The following FSTL5 variants were observed in gnomAD, a reference collection of about 807,000 sequenced individuals.
FSTL5 encodes the protein follistatin like 5.
A neutral mutation model predicts 89.1 loss-of-function variants in FSTL5; 62 were observed. The ratio of observed to expected loss-of-function variants is 0.70; its 90% CI spans 0.57 to 0.86. The LOEUF (loss-of-function observed/expected upper bound fraction) is 0.86, where lower values mean the gene tolerates loss of function less well. FSTL5 is among the 40% of genes least tolerant of loss of function. The probability of loss-of-function intolerance (pLI) is 0.00; values close to 1 mark genes in which losing one functional copy is unlikely to be tolerated. For missense variants in FSTL5, 1,057 were observed against 1,001.6 expected, an observed-to-expected ratio of 1.06 and a Z score of -0.75; for synonymous variants, 383 against 346.2, an observed-to-expected ratio of 1.11 and a Z score of -1.18.
At chr4:161,836,330 G>A in intron 4 of FSTL5, among the ~76,000 whole-genome samples, 1 of 150,234 alleles carries the variant, frequency 6.7e-6, no homozygotes, top group Admixed American at 6.7e-5. Context: ...GGAAGGGACA[G>A]TTTTAGGAGA....
chr4:161,471,766 G>A (rs1733950497), intron 13 of FSTL5, among the ~76,000 whole-genome samples: 1 of 151,800 alleles, frequency 6.6e-6, no homozygotes, highest in Admixed American at 6.6e-5. Context: ...TTTTAATTTA[G>A]TCTTGCTGCA....
intron 3 of FSTL5, among the ~76,000 whole-genome samples, chr4:161,993,458 A>T (rs2314587): frequency 0.18 from 23,851 of 131,552 alleles, 2,012 homozygotes; most frequent in Non-Finnish European, 0.22. Flanking sequence ...TTTGTATGAT[A>T]TTTAACTATA....
chr4:161,685,385 G>C (rs1040947528), intron 6 of FSTL5, among the ~76,000 whole-genome samples: 9 of 152,088 alleles, frequency 5.9e-5, no homozygotes, highest in African/African-American at 2.2e-4. Flanking sequence ...ATGAGCATGG[G>C]ATGTGTTTCC....
chr4:161,930,283 C>T (rs1404348014), intron 3 of FSTL5, among the ~76,000 whole-genome samples: 1 of 151,814 alleles, frequency 6.6e-6, no homozygotes, highest in Non-Finnish European at 1.5e-5. Context: ...AAATTCTTAG[C>T]TTTGGCATAA....
intron 4 of FSTL5, among the ~76,000 whole-genome samples, chr4:161,892,839 G>A (rs184073630): frequency 7.9e-5 from 12 of 152,110 alleles, no homozygotes; most frequent in Admixed American, 1.3e-4. Flanking sequence ...TATTTTACAC[G>A]TTAGTCAATG....
chr4:161,711,789 G>C (rs1240371521), intron 6 of FSTL5, among the ~76,000 whole-genome samples: 2 of 151,940 alleles, frequency 1.3e-5, no homozygotes, highest in African/African-American at 4.8e-5. Flanking sequence ...TGAAAAAGTG[G>C]GATTCATCTC....
intron 3 of FSTL5, among the ~76,000 whole-genome samples, chr4:161,944,656 C>T (rs985752750): frequency 6.6e-6 from 1 of 151,620 alleles, no homozygotes; most frequent in African/African-American, 2.4e-5. Context: ...ATATTTTAAA[C>T]TCAATATCTT....
chr4:161,677,021 T>C lies in FSTL5; in HGVS notation c.728-20527A>G, dbSNP rs115110117. Among the ~76,000 whole-genome samples, 912 of 152,182 alleles carry C rather than the reference T, an allele frequency of 6.0e-3. 7 individuals carry two copies. The highest frequency in any genetic ancestry group is 0.02 in the African/African-American group (845 of 41,578). On this transcript the variant is annotated intron_variant, in intron 6 of 15. Coordinates refer to ENST00000306100, the MANE Select transcript of FSTL5 (RefSeq NM_020116.5). ...ACAATATATTTTTACTGAATGAATC[T>C]ATATGTACAATTCCCCTTTCTTTCT... is the stretch of plus-strand genomic sequence containing the variant.
At chr4:161,417,663 T>C (rs865907594) in intron 15 of FSTL5, among the ~76,000 whole-genome samples, 2 of 152,228 alleles carry the variant, frequency 1.3e-5, no homozygotes, top group Non-Finnish European at 2.9e-5. Flanking sequence ...CTCAGGGATC[T>C]AGTTTCCTCA....
chr4:161,841,230 G>T (rs939286379), intron 4 of FSTL5, among the ~76,000 whole-genome samples: 2 of 152,126 alleles, frequency 1.3e-5, no homozygotes, highest in Admixed American at 1.3e-4. Flanking sequence ...GCCAGAATCT[G>T]ATTGATTCAC....
chr4:162,034,345 T>G (rs1232529893), intron 2 of FSTL5, among the ~76,000 whole-genome samples: 1 of 152,144 alleles, frequency 6.6e-6, no homozygotes, highest in Non-Finnish European at 1.5e-5. Flanking sequence ...AAGGAATAAG[T>G]TTAGGCACAA....
chr4:161,667,174 C>T (rs1350834033), intron 6 of FSTL5, among the ~76,000 whole-genome samples: 2 of 151,964 alleles, frequency 1.3e-5, no homozygotes, highest in Non-Finnish European at 2.9e-5. Flanking sequence ...AATTATCTTT[C>T]AAGGGTTCTG....
chr4:161,934,388 A>G lies in FSTL5; in HGVS notation c.161-13736T>C, dbSNP rs558118478. On this transcript the variant is annotated intron_variant, in intron 3 of 15. Coordinates refer to ENST00000306100, the MANE Select transcript of FSTL5 (RefSeq NM_020116.5). ...AAGACATGAGTTAATGTGATAGAAG[A>G]AAAGAAAGTATTTATAGAAAGAAGG... is the stretch of plus-strand genomic sequence containing the variant. Among the ~76,000 whole-genome samples the G allele has an allele frequency of 1.6e-4, 24 of 152,242 alleles. No individual in the cohort carries two copies. The South Asian group carries it at 4.3e-3, about 28-fold the overall frequency.
intron 14 of FSTL5, among the ~76,000 whole-genome samples, chr4:161,458,034 T>C (rs896693166): frequency 6.6e-6 from 1 of 152,220 alleles, no homozygotes; most frequent in Non-Finnish European, 1.5e-5. Flanking sequence ...AAGACCATTA[T>C]GCTGTGAAGA....
intron 4 of FSTL5, among the ~76,000 whole-genome samples, chr4:161,880,388 C>A (rs957838275): frequency 2.0e-5 from 3 of 151,960 alleles, no homozygotes; most frequent in African/African-American, 7.2e-5. Flanking sequence ...GGAGTTCTGT[C>A]TACATAATAT....
intron 6 of FSTL5, among the ~76,000 whole-genome samples, chr4:161,673,419 A>G (rs1938195940): frequency 2.0e-5 from 3 of 152,054 alleles, no homozygotes; most frequent in Admixed American, 1.3e-4. Flanking sequence ...AATTTTATGA[A>G]CTGTATTTAT....
chr4:161,485,866 A>T (rs1367171891), intron 12 of FSTL5, among the ~76,000 whole-genome samples: 1 of 152,186 alleles, frequency 6.6e-6, no homozygotes, highest in Non-Finnish European at 1.5e-5. Context: ...GGCCGGGCGC[A>T]GCAGCTTACA....
At chr4:161,826,964 G>C (rs958801769) in intron 4 of FSTL5, among the ~76,000 whole-genome samples, 2 of 152,032 alleles carry the variant, frequency 1.3e-5, no homozygotes, top group African/African-American at 4.8e-5. Context: ...TATTTACTGT[G>C]TTTTTGTTTT....
chr4:161,652,500 G>C lies in FSTL5; in HGVS notation c.894+3828C>G, dbSNP rs140601598. ...GGCATAAGATTCCCTGCTTCATAGAGTTGTTCTTAGGGCCAGTGAGATAAT... is the reference window on the plus strand; with the variant it reads ...GGCATAAGATTCCCTGCTTCATAGACTTGTTCTTAGGGCCAGTGAGATAAT... On this transcript the variant is annotated intron_variant, in intron 7 of 15. Coordinates refer to ENST00000306100, the MANE Select transcript of FSTL5 (RefSeq NM_020116.5). Among the ~76,000 whole-genome samples, 913 of 152,152 alleles carry C rather than the reference G, an allele frequency of 6.0e-3. 9 individuals carry two copies. Among genetic ancestry groups the C allele is most frequent in the South Asian group, 0.046 (219 of 4,810 alleles).
Sources: gnomAD v4.1 joint callset for allele counts (sites outside exome capture counted in the v4.1 genomes callset) on GRCh38, gnomAD v4.1.1 for gene constraint, MANE v1.5 for transcripts, NCBI Gene and HGNC (gene_info 2026-07-23, HGNC 2026-07-21) for gene names.